NCKAP5: variants seen among roughly 807,000 people sequenced by gnomAD.
The protein encoded by NCKAP5 is NCK associated protein 5, also known as nck-associated protein 5.
A neutral mutation model predicts 167.0 loss-of-function variants in NCKAP5; 92 were observed. The observed-to-expected ratio is 0.55, with a 90% CI of 0.47 to 0.66. The LOEUF is 0.66. Among genes scored for constraint, NCKAP5 ranks in the 30% least tolerant of loss-of-function variants. NCKAP5 has a pLI of 0.00. For missense variants in NCKAP5, 2,378 were observed against 2,315.0 expected (o/e 1.03, Z -0.56); for synonymous variants, 891 against 877.4 (o/e 1.02, Z -0.27).
At chr2:133,556,832 C>T (rs1358369757) in intron 2 of NCKAP5, 2 of 152,126 alleles carry the variant, frequency 1.3e-5, no homozygotes, top group African/African-American at 4.8e-5. Context: ...TAAGCAGATC[C>T]CTCTAAAAGA....
chr2:133,428,589 C>CAA (rs1378873189), intron 3 of NCKAP5, among the ~76,000 whole-genome samples: 3 of 152,024 alleles, frequency 2.0e-5, no homozygotes, highest in Non-Finnish European at 4.4e-5. Flanking sequence ...ATAAGATATT[C>CAA]AACTCAGAAG....
At chr2:133,079,849 A>C (rs1035309988) in intron 6 of NCKAP5, among the ~76,000 whole-genome samples, 4 of 152,104 alleles carry the variant, frequency 2.6e-5, no homozygotes, top group African/African-American at 9.7e-5. Context: ...TTACAGTGTA[A>C]GTTTTAATGG....
intron 16 of NCKAP5, among the ~76,000 whole-genome samples, chr2:132,761,500 C>T (rs1397197465): frequency 6.6e-6 from 1 of 152,186 alleles, no homozygotes; most frequent in African/African-American, 2.4e-5. Flanking sequence ...TGTTCCTAGC[C>T]TGTGATGAAT....
intron 11 of NCKAP5, among the ~76,000 whole-genome samples, chr2:132,809,941 T>A (rs1426630489): frequency 6.6e-6 from 1 of 152,222 alleles, no homozygotes; most frequent in African/African-American, 2.4e-5. Context: ...GTTTCAAGAT[T>A]TAGAGCTCTT....
intron 3 of NCKAP5, among the ~76,000 whole-genome samples, chr2:133,357,998 A>G (rs549373565): frequency 3.3e-5 from 5 of 151,990 alleles, no homozygotes; most frequent in Non-Finnish European, 7.4e-5. Flanking sequence ...TGCTCACACT[A>G]TTTCCTTTTC....
chr2:133,399,016 T>C (rs957111087), intron 3 of NCKAP5, among the ~76,000 whole-genome samples: 2 of 152,040 alleles, frequency 1.3e-5, no homozygotes, highest in African/African-American at 4.8e-5. Flanking sequence ...ACACAAAATA[T>C]TTAAGAAAGG....
intron 6 of NCKAP5, among the ~76,000 whole-genome samples, chr2:133,120,362 A>T (rs2082212395): frequency 6.6e-6 from 1 of 152,214 alleles, no homozygotes; most frequent in Non-Finnish European, 1.5e-5. Context: ...AATTAAATAA[A>T]GGATCCCAAA....
chr2:132,882,795 C>T (rs1207332596), intron 8 of NCKAP5, among the ~76,000 whole-genome samples: 1 of 152,120 alleles, frequency 6.6e-6, no homozygotes, highest in Non-Finnish European at 1.5e-5. Context: ...ATATTGAGTG[C>T]AGTGTCCCTC....
rs1432722518 is a variant in NCKAP5 at position 132,852,706 on chromosome 2, T to TTA, written c.807+7784_807+7785dup. Among the ~76,000 whole-genome samples, 3 of 152,196 alleles carry TTA rather than the reference T, an allele frequency of 2.0e-5. No individual in the cohort carries two copies. In the East Asian group the frequency reaches 5.8e-4, roughly 29 times the overall value. ...ATAAATCCCAGTATTAGTCCTGAATTTAGTTCACAAATTGCTTTTTGGAAA... is the reference window on the plus strand; with the variant it reads ...ATAAATCCCAGTATTAGTCCTGAATTTATAGTTCACAAATTGCTTTTTGGAAA... On this transcript the variant is annotated intron_variant, in intron 11 of 19. Coordinates refer to ENST00000409261, the MANE Select transcript of NCKAP5 (RefSeq NM_207363.3).
intron 3 of NCKAP5, among the ~76,000 whole-genome samples, chr2:133,349,892 C>T (rs1388151133): frequency 6.6e-6 from 1 of 152,096 alleles, no homozygotes; most frequent in Non-Finnish European, 1.5e-5. Flanking sequence ...CTTTCAGCAA[C>T]CAGGGTAAAC....
intron 2 of NCKAP5, among the ~76,000 whole-genome samples, chr2:133,557,582 T>C (rs1167089600): frequency 2.6e-5 from 4 of 152,240 alleles, no homozygotes; most frequent in African/African-American, 7.2e-5. Flanking sequence ...TGTCAGTCCC[T>C]TATAAGATCA....
chr2:133,370,872 G>C (rs1010366659), intron 3 of NCKAP5, among the ~76,000 whole-genome samples: 9 of 151,898 alleles, frequency 5.9e-5, no homozygotes, highest in Non-Finnish European at 7.4e-5. Context: ...TAGAAGTTAT[G>C]GGATATGACA....
intron 8 of NCKAP5, among the ~76,000 whole-genome samples, chr2:132,933,177 GGCCTCCCA>G (rs1558959058): frequency 1.3e-5 from 2 of 151,882 alleles, no homozygotes; most frequent in African/African-American, 4.8e-5. Flanking sequence ...TGCCCGCTGC[GGCCTCCCA>G]AAGTGCTGGG....
At chr2:133,391,246 G>A (rs1269385895) in intron 3 of NCKAP5, 1 of 153,854 alleles carries the variant, frequency 6.5e-6, no homozygotes, top group Non-Finnish European at 1.5e-5. Context: ...TATTGGGGAA[G>A]ACTGTCCCCT....
intron 18 of NCKAP5, among the ~76,000 whole-genome samples, chr2:132,728,615 A>G (rs188211094): frequency 6.6e-6 from 1 of 152,348 alleles, no homozygotes; most frequent in African/African-American, 2.4e-5. Context: ...TGATTTCTTC[A>G]GAATAAAAGT....
chr2:133,504,832 T>C (rs1682857386), intron 3 of NCKAP5, among the ~76,000 whole-genome samples: 1 of 152,020 alleles, frequency 6.6e-6, no homozygotes, highest in Non-Finnish European at 1.5e-5. Context: ...AGTGGAAAAA[T>C]GTTCCCATTT....
At chr2:133,510,642 G>C (rs1028026919) in intron 3 of NCKAP5, among the ~76,000 whole-genome samples, 1 of 152,194 alleles carries the variant, frequency 6.6e-6, no homozygotes, top group Non-Finnish European at 1.5e-5. Context: ...TACAGCAGAC[G>C]TGCTAATGCA....
chr2:133,417,226 C>T (rs1042555537), intron 3 of NCKAP5, among the ~76,000 whole-genome samples: 2 of 151,998 alleles, frequency 1.3e-5, no homozygotes, highest in Non-Finnish European at 2.9e-5. Flanking sequence ...TATTGGCCCC[C>T]GACACGTGGA....
intron 5 of NCKAP5, among the ~76,000 whole-genome samples, chr2:133,156,591 C>T (rs2083585788): frequency 6.6e-6 from 1 of 152,222 alleles, no homozygotes; most frequent in African/African-American, 2.4e-5. Context: ...CAAAGATTCA[C>T]TGCTAACATA....
Sources: gnomAD v4.1 joint callset for allele counts (sites outside exome capture counted in the v4.1 genomes callset) on GRCh38, gnomAD v4.1.1 for gene constraint, MANE v1.5 for transcripts, NCBI Gene and HGNC (gene_info 2026-07-23, HGNC 2026-07-21) for gene names.